The following PRDM10 variants were observed in gnomAD, a reference collection of about 807,000 sequenced individuals.
The protein encoded by PRDM10 is PR/SET domain 10, also known as PR domain zinc finger protein 10.
In PRDM10, 65 loss-of-function variants were observed where a neutral mutation model predicts 133.1. That is an observed-to-expected ratio of 0.49 (90% CI 0.40 to 0.60). The LOEUF (loss-of-function observed/expected upper bound fraction) is 0.60. PRDM10 is among the 20% of genes least tolerant of loss of function. The pLI, the probability that PRDM10 is intolerant of heterozygous loss-of-function variation, is 0.00. For synonymous variants in PRDM10, 582 were observed against 580.4 expected, an observed-to-expected ratio of 1.00 and a Z score of -0.04; for missense variants, 1,137 against 1,507.1, an observed-to-expected ratio of 0.75 and a Z score of 4.07.
chr11:129,937,971 T>G (rs1951086334), intron 7 of PRDM10, among the ~76,000 whole-genome samples: 1 of 152,170 alleles, frequency 6.6e-6, no homozygotes. Flanking sequence ...CTCCCCTGAT[T>G]TCTTATCTAT....
chr11:129,988,693 A>T (rs750326165), intron 1 of PRDM10, among the ~76,000 whole-genome samples: 1 of 151,506 alleles, frequency 6.6e-6, no homozygotes, highest in South Asian at 2.1e-4. Flanking sequence ...GCAGTGGTGC[A>T]ATCTCGGCTC....
chr11:129,920,808 G>T (rs909499068), intron 13 of PRDM10, among the ~76,000 whole-genome samples: 2 of 151,830 alleles, frequency 1.3e-5, no homozygotes, highest in Non-Finnish European at 2.9e-5. Context: ...CCCTCTCACA[G>T]CATTTTTGAG....
chr11:129,929,689 G>A (rs1160318927), intron 11 of PRDM10, among the ~76,000 whole-genome samples: 4 of 151,014 alleles, frequency 2.6e-5, no homozygotes, highest in Non-Finnish European at 5.9e-5. Context: ...GTACAATTAC[G>A]GCTGGACTGT....
chr11:129,937,566 A>T (rs775092524), intron 8 of PRDM10, 32 bp downstream of exon 8: 3 of 1,590,042 alleles, frequency 1.9e-6, no homozygotes, highest in Non-Finnish European at 2.6e-6. Flanking sequence ...TAGAATTCAT[A>T]TAGAAAATGT....
intron 1 of PRDM10, among the ~76,000 whole-genome samples, chr11:129,991,090 G>A (rs1010607532): frequency 1.3e-5 from 2 of 152,136 alleles, no homozygotes; most frequent in African/African-American, 4.8e-5. Flanking sequence ...GCAAATCACA[G>A]GCTCACTGCT....
chr11:129,983,313 T>A (rs958428498), intron 1 of PRDM10, among the ~76,000 whole-genome samples: 2 of 131,340 alleles, frequency 1.5e-5, no homozygotes, highest in Non-Finnish European at 3.2e-5. Flanking sequence ...TTTTTTTTTT[T>A]AGACGGAGTC....
chr11:129,905,817 T>A, intron 19 of PRDM10, 76 bp from the exon 20 acceptor site: 2 of 1,226,160 alleles, frequency 1.6e-6, no homozygotes, highest in Non-Finnish European at 2.4e-6. Context: ...ACATAACCAG[T>A]AGCCACAGTC....
chr11:129,969,370 G>A (rs767084997), intron 1 of PRDM10, among the ~76,000 whole-genome samples: 8 of 152,122 alleles, frequency 5.3e-5, no homozygotes, highest in African/African-American at 9.7e-5. Flanking sequence ...TATTAGAGTC[G>A]TCTTTGGAAT....
chr11:129,940,803 G>C (rs1204739375), intron 7 of PRDM10, among the ~76,000 whole-genome samples: 1 of 152,128 alleles, frequency 6.6e-6, no homozygotes, highest in Non-Finnish European at 1.5e-5. Flanking sequence ...TGTCAGTTTT[G>C]AAAGTTGAAC....
chr11:129,931,403 T>A, intron 10 of PRDM10, 145 bp from the exon 11 acceptor site: 1 of 1,120,364 alleles, frequency 8.9e-7, no homozygotes, highest in Non-Finnish European at 1.2e-6. Context: ...TAGGTAACTA[T>A]GCACAGAAGG....
Position 129,918,417 on chromosome 11 carries a change from G to T in PRDM10, c.2214+122C>A. ...ATCGTTTGCCTCTGTTTCTTCCCCT[G>T]GACATTGACAAAACCATTGATCGAT... On this transcript the variant is annotated intron_variant, in intron 14 of 20. Coordinates refer to ENST00000360871, the MANE Select transcript of PRDM10 (RefSeq NM_199437.2). This position sits in a 1 kb window ranked among gnomAD's most constrained non-coding sequence, Gnocchi z 5.3. The T allele has an allele frequency of 8.2e-7, 1 of 1,217,310 alleles. No individual in the cohort carries two copies. Among genetic ancestry groups the T allele is most frequent in the South Asian group, 2.1e-5 (1 of 47,996 alleles). The allele number at this position is 1,217,310 out of a possible 1,614,324, so 75.4% of individuals were successfully genotyped here. A position where few individuals can be genotyped will look rare whatever the true frequency, so the allele number is the denominator to read the frequency against.
At chr11:129,986,315 C>G (rs1938438116) in intron 1 of PRDM10, among the ~76,000 whole-genome samples, 2 of 152,168 alleles carry the variant, frequency 1.3e-5, no homozygotes, top group South Asian at 4.1e-4. Context: ...GGGGCCTTAA[C>G]ATGACCTTCT....
chr11:130,001,590 T>C (rs934670870), intron 1 of PRDM10, among the ~76,000 whole-genome samples: 10 of 152,116 alleles, frequency 6.6e-5, no homozygotes, highest in South Asian at 2.1e-4. Flanking sequence ...CGCACATTGA[T>C]TGAAAATGCA....
intron 18 of PRDM10, among the ~76,000 whole-genome samples, chr11:129,911,562 T>G (rs1478878149): frequency 5.3e-5 from 8 of 152,236 alleles, no homozygotes; most frequent in Non-Finnish European, 1.2e-4. Flanking sequence ...CATTTTCCAT[T>G]GCAGCATGAG....
intron 11 of PRDM10, among the ~76,000 whole-genome samples, chr11:129,929,009 T>C (rs188783993): frequency 2.3e-3 from 349 of 152,368 alleles, no homozygotes; most frequent in Non-Finnish European, 4.1e-3. Flanking sequence ...TTCCAAGTTA[T>C]ACTTTTACAT....
chr11:129,975,008 G>A (rs1937674340), intron 1 of PRDM10, among the ~76,000 whole-genome samples: 1 of 152,222 alleles, frequency 6.6e-6, no homozygotes, highest in East Asian at 1.9e-4. Context: ...GTGGTTACCA[G>A]GGGCCAGGGC....
intron 19 of PRDM10, among the ~76,000 whole-genome samples, chr11:129,907,730 T>G (rs1055387448): frequency 4.0e-5 from 6 of 151,816 alleles, no homozygotes; most frequent in Non-Finnish European, 1.5e-5. Context: ...TTTAAAAAAT[T>G]TCTGAGACAA....
chr11:129,966,159 G>A (rs1418285704), intron 1 of PRDM10, among the ~76,000 whole-genome samples: 1 of 152,076 alleles, frequency 6.6e-6, no homozygotes, highest in African/African-American at 2.4e-5. Context: ...CGGGAGAATC[G>A]CCTGAACCTG....
Position 129,962,727 on chromosome 11 carries a change from T to C in PRDM10, c.-118-1645A>G, listed in dbSNP as rs1373896666. ...ATTATACCCTAATAAAGTTGATTTT[T>C]TTTAAAGCATACCTTCCTTATATAG... On this transcript the variant is annotated intron_variant, in intron 1 of 20. Transcript: ENST00000360871. Among the ~76,000 whole-genome samples, 4 of 152,370 alleles carry C rather than the reference T, an allele frequency of 2.6e-5. No homozygotes were observed. In the East Asian group the frequency reaches 7.7e-4, roughly 29 times the overall value.
Sources: allele counts gnomAD v4.1 joint callset (sites outside exome capture counted in the v4.1 genomes callset), GRCh38; gene constraint gnomAD v4.1.1; non-coding constraint Gnocchi (gnomAD v3.1); transcripts MANE v1.5; gene names NCBI Gene and HGNC (gene_info 2026-07-23, HGNC 2026-07-21).